The following CUEDC1 variants were observed in gnomAD, a reference collection of about 807,000 sequenced individuals.
CUEDC1 encodes CUE domain-containing protein 1.
Under a neutral mutation model 43.7 loss-of-function variants are expected in CUEDC1, and 30 were observed. The ratio of observed to expected loss-of-function variants is 0.69; its 90% CI spans 0.51 to 0.93. The LOEUF (loss-of-function observed/expected upper bound fraction) is 0.93, where lower values mean the gene tolerates loss of function less well. Ranked by LOEUF, CUEDC1 falls within the 40% of genes least tolerant of loss-of-function variation. The pLI is 0.00. For synonymous variants in CUEDC1, 223 were observed against 223.6 expected, an observed-to-expected ratio of 1.00 and a Z score of 0.02; for missense variants, 486 against 549.0, an observed-to-expected ratio of 0.89 and a Z score of 1.15.
At chr17:57,908,900 G>A (rs770656048) in intron 1 of CUEDC1, among the ~76,000 whole-genome samples, 3 of 152,120 alleles carry the variant, frequency 2.0e-5, no homozygotes, top group Non-Finnish European at 4.4e-5. Context: ...GAGAGGCTGA[G>A]GCAGGAGAAT....
intron 1 of CUEDC1, among the ~76,000 whole-genome samples, chr17:57,925,833 G>A (rs751426432): frequency 8.5e-5 from 13 of 152,208 alleles, no homozygotes; most frequent in Non-Finnish European, 1.3e-4. Context: ...TTACAGGGCC[G>A]TCCTCCCTTA....
chr17:57,887,076 C>A (rs1248470849), intron 1 of CUEDC1, among the ~76,000 whole-genome samples: 2 of 152,146 alleles, frequency 1.3e-5, no homozygotes, highest in Admixed American at 1.3e-4. Context: ...CCGCCTCGGC[C>A]TCCCAAAGTG....
rs1263314511 is a variant in CUEDC1, at chr17:57,866,515, C to T, written c.1123G>A (p.Ala375Thr). Residue 375 changes from alanine to threonine, a missense_variant, in exon 10 of 11, where the codon GCA becomes ACA. Ala to Thr is a moderately conservative substitution (Grantham distance 58). Coordinates refer to ENST00000577830, the MANE Select transcript of CUEDC1 (RefSeq NM_001271875.2). Reference sequence around the variant, plus strand: ...CGCAGGCCTTCCTCCACCTTGGGTGCCTCCTGACGCCTGCCCCGGAAGTCT... The same window carrying T: ...CGCAGGCCTTCCTCCACCTTGGGTGTCTCCTGACGCCTGCCCCGGAAGTCT... ...DEDFRGRRQEAPKVEEGLREG... is the reference protein window; with the variant it reads ...DEDFRGRRQETPKVEEGLREG... The T allele has an allele frequency of 3.1e-6, 5 of 1,614,122 alleles. No homozygotes were observed. The highest frequency in any genetic ancestry group is 1.3e-5 in the African/African-American group (1 of 74,950).
chr17:57,914,856 G>A (rs564069280), intron 1 of CUEDC1, among the ~76,000 whole-genome samples: 1 of 152,352 alleles, frequency 6.6e-6, no homozygotes, highest in South Asian at 2.1e-4. Context: ...ACTCTGAGTG[G>A]CATTAAAGTA....
At position 57,885,427 on chromosome 17, in the gene CUEDC1, C is replaced by A. The variant is rs770935876; in HGVS notation, c.138G>T (p.Glu46Asp). The change falls in exon 2 of 11, where the codon GAG becomes GAT. Residue 46 changes from glutamate (E) to aspartate (D), a missense_variant. Transcript: ENST00000577830. ...TGAAGTCGTCCATGGCCTGGTTGAA[C>A]TCCAGGCGGCGCACCTGGCGGGCAG... is the stretch of plus-strand genomic sequence containing the variant. ...SRPARQVRRL[E>D]FNQAMDDFKT... The A allele has an allele frequency of 1.2e-6, 2 of 1,603,456 alleles. No homozygotes were observed. Among genetic ancestry groups the A allele is most frequent in the Non-Finnish European group, 1.7e-6 (2 of 1,176,494 alleles).
At chr17:57,872,901 A>C (rs772303486) in intron 4 of CUEDC1, 46 bp from the exon 5 acceptor site, 1 of 1,553,920 alleles carries the variant, frequency 6.4e-7, no homozygotes, top group Non-Finnish European at 8.8e-7. Context: ...ACAAGGGTAC[A>C]TGTTGCACAA....
At chr17:57,911,244 G>C (rs911220243) in intron 1 of CUEDC1, among the ~76,000 whole-genome samples, 18 of 152,304 alleles carry the variant, frequency 1.2e-4, no homozygotes, top group African/African-American at 4.3e-4. Flanking sequence ...CACTGGTCCA[G>C]GGACCACACC....
intron 1 of CUEDC1, among the ~76,000 whole-genome samples, chr17:57,940,760 T>C (rs2074909932): frequency 6.6e-6 from 1 of 152,208 alleles, no homozygotes; most frequent in Admixed American, 6.5e-5. Flanking sequence ...TGCCAGGTGC[T>C]GTCATGGGTA....
chr17:57,944,337 C>G (rs2586084), intron 1 of CUEDC1, among the ~76,000 whole-genome samples: 2 of 150,954 alleles, frequency 1.3e-5, no homozygotes, highest in Non-Finnish European at 3.0e-5. Flanking sequence ...CAGCCTCCTG[C>G]GTAGCTGGGA....
intron 1 of CUEDC1, among the ~76,000 whole-genome samples, chr17:57,886,842 G>A (rs1031824087): frequency 2.5e-4 from 32 of 127,230 alleles, no homozygotes; most frequent in Admixed American, 6.8e-4. Context: ...TTTTTGAGAC[G>A]GAGTCTCGCT....
intron 1 of CUEDC1, among the ~76,000 whole-genome samples, chr17:57,925,471 A>G (rs770865779): frequency 2.0e-5 from 3 of 152,074 alleles, no homozygotes; most frequent in Non-Finnish European, 4.4e-5. Context: ...AGGGAACATA[A>G]CCAAAAGCCC....
chr17:57,906,720 C>T (rs772731282), intron 1 of CUEDC1, among the ~76,000 whole-genome samples: 29 of 152,228 alleles, frequency 1.9e-4, no homozygotes, highest in Middle Eastern at 3.4e-3. Flanking sequence ...CCTGTAATCC[C>T]AGAACCTTGG....
At chr17:57,917,574 T>C (rs1016983291) in intron 1 of CUEDC1, among the ~76,000 whole-genome samples, 1 of 152,324 alleles carries the variant, frequency 6.6e-6, no homozygotes, top group East Asian at 1.9e-4. Context: ...ACTTGTCTCA[T>C]TGATCCTCTC....
rs554736584 is a variant in CUEDC1 at position 57,879,235 on chromosome 17, G to A, written c.464+376C>T. Among the ~76,000 whole-genome samples the A allele has an allele frequency of 3.3e-5, 5 of 152,312 alleles. No homozygotes were observed. The South Asian group carries it at 1.0e-3, about 32-fold the overall frequency. On this transcript the variant is annotated intron_variant, in intron 3 of 10. Transcript: ENST00000577830. The stretch of plus-strand genomic sequence containing the variant: ...ACTCAGCAGGAAAGAGCACAGTGAT[G>A]AATCAGCCATGTTTGCTGTGGGCTT...
intron 9 of CUEDC1, chr17:57,867,057 C>T: frequency 4.0e-6 from 2 of 496,618 alleles, no homozygotes; most frequent in South Asian, 4.7e-5. Flanking sequence ...CCCATGGGGG[C>T]AGGCCTGTCT....
intron 1 of CUEDC1, among the ~76,000 whole-genome samples, chr17:57,893,265 G>A (rs1327370220): frequency 6.6e-6 from 1 of 152,148 alleles, no homozygotes; most frequent in Non-Finnish European, 1.5e-5. Flanking sequence ...ATCTGCCTGA[G>A]CTTCTTGGCT....
intron 3 of CUEDC1, among the ~76,000 whole-genome samples, chr17:57,876,375 C>T (rs2074127097): frequency 6.6e-6 from 1 of 152,240 alleles, no homozygotes; most frequent in Non-Finnish European, 1.5e-5. Context: ...TCCTCTGCTT[C>T]TCCACATTAC....
intron 1 of CUEDC1, among the ~76,000 whole-genome samples, chr17:57,909,243 C>A (rs2074559751): frequency 6.6e-6 from 1 of 152,144 alleles, no homozygotes; most frequent in South Asian, 2.1e-4. Flanking sequence ...AATCTGCCCG[C>A]CTCAGCCTCC....
chr17:57,950,678 G>A (rs2074998665), intron 1 of CUEDC1, among the ~76,000 whole-genome samples: 1 of 152,004 alleles, frequency 6.6e-6, no homozygotes, highest in African/African-American at 2.4e-5. Context: ...TCACCACGTT[G>A]GCCAGGCTGG....
Sources: allele counts gnomAD v4.1 joint callset (sites outside exome capture counted in the v4.1 genomes callset), GRCh38; gene constraint gnomAD v4.1.1; transcripts MANE v1.5; gene names NCBI Gene and HGNC (gene_info 2026-07-23, HGNC 2026-07-21).